SPRED1: variants seen among roughly 807,000 people sequenced by gnomAD.
The protein encoded by SPRED1 is sprouty-related, EVH1 domain-containing protein 1.
A neutral mutation model predicts 52.3 loss-of-function variants in SPRED1; 18 were observed. The ratio of observed to expected loss-of-function variants is 0.34; its 90% CI spans 0.24 to 0.51. The LOEUF (loss-of-function observed/expected upper bound fraction) is 0.51. Ranked by LOEUF, SPRED1 falls within the 20% of genes least tolerant of loss-of-function variation. SPRED1 has a pLI of 0.97. For missense variants in SPRED1, 485 were observed against 551.0 expected, an observed-to-expected ratio of 0.88 and a Z score of 1.20; for synonymous variants, 155 against 179.7, an observed-to-expected ratio of 0.86 and a Z score of 1.10.
chr15:38,287,598 G>T (rs985789471), intron 1 of SPRED1, among the ~76,000 whole-genome samples: 1 of 151,984 alleles, frequency 6.6e-6, no homozygotes, highest in Admixed American at 6.6e-5. Flanking sequence ...TCATATGTAT[G>T]TGTTTCACAT....
Position 38,289,743 on chromosome 15 carries a change from T to C in SPRED1, c.33-9630T>C, listed in dbSNP as rs144084763. Among the ~76,000 whole-genome samples the C allele has an allele frequency of 2.6e-5, 4 of 152,296 alleles. No individual in the cohort carries two copies. In the East Asian group the frequency reaches 5.8e-4, roughly 22 times the overall value. On this transcript the variant is annotated intron_variant, in intron 1 of 6. Transcript: ENST00000299084. The stretch of plus-strand genomic sequence containing the variant: ...CATGAGCCAAGGAATGTGGATGGGC[T>C]CTAGGAACTGGAAAAGGCAAGGGAA...
intron 4 of SPRED1, among the ~76,000 whole-genome samples, chr15:38,327,091 G>A (rs1039779679): frequency 6.6e-6 from 1 of 152,088 alleles, no homozygotes; most frequent in Non-Finnish European, 1.5e-5. Context: ...TTCCAGAAAC[G>A]AGATTGAGAG....
rs1028099569 is a variant in SPRED1, at chr15:38,355,727, A to T, written c.*4063A>T. On this transcript the variant is annotated 3_prime_UTR_variant, in exon 7 of 7. Coordinates refer to ENST00000299084, the MANE Select transcript of SPRED1 (RefSeq NM_152594.3). ...CCTGAAAAGCAAGGATTCTTTACTA[A>T]TTATTATGCTCATTCTTGATTTGAC... 2 of 152,218 alleles carry T rather than the reference A, an allele frequency of 1.3e-5. No individual in the cohort carries two copies. The highest frequency in any genetic ancestry group is 4.8e-5 in the African/African-American group (2 of 41,468). The allele number at this position is 152,218 out of a possible 1,614,324, so 9.4% of individuals were successfully genotyped here.
At chr15:38,342,137 A>T (rs1182216170) in intron 5 of SPRED1, among the ~76,000 whole-genome samples, 1 of 123,718 alleles carries the variant, frequency 8.1e-6, no homozygotes, top group Middle Eastern at 4.8e-3. Flanking sequence ...TTCATTTTTT[A>T]TTTGCCCCAT....
At chr15:38,330,835 CT>C (rs1895793329) in intron 4 of SPRED1, among the ~76,000 whole-genome samples, 1 of 152,070 alleles carries the variant, frequency 6.6e-6, no homozygotes, top group Non-Finnish European at 1.5e-5. Context: ...TGTGATATCC[CT>C]TTTTTTCTGC....
In SPRED1 at chr15:38,353,191, A is replaced by G. The variant is rs1595764980; in HGVS notation, c.*1527A>G. ...AGGTGATAAAAATTAAAATCACACT[A>G]CTATTTGAAGCTCATTTTCTATGCA... On this transcript the variant is annotated 3_prime_UTR_variant, in exon 7 of 7. Transcript: ENST00000299084. The G allele has an allele frequency of 6.6e-6, 1 of 152,568 alleles. No homozygotes were observed. Among genetic ancestry groups the G allele is most frequent in the South Asian group, 2.1e-4 (1 of 4,824 alleles). 9.5% of individuals were successfully genotyped at this position (152,568 alleles called of 1,614,324 possible). A position where few individuals can be genotyped will look rare whatever the true frequency, so the allele number is the denominator to read the frequency against.
chr15:38,332,473 T>C (rs950494400), intron 4 of SPRED1, among the ~76,000 whole-genome samples: 3 of 152,058 alleles, frequency 2.0e-5, no homozygotes, highest in Non-Finnish European at 4.4e-5. Flanking sequence ...CTCAGGAGGC[T>C]GAGGTGAGAG....
chr15:38,338,531 T>C (rs1490752485), intron 4 of SPRED1, among the ~76,000 whole-genome samples: 8 of 152,120 alleles, frequency 5.3e-5, no homozygotes, highest in South Asian at 2.1e-4. Context: ...ACAGCTGTTA[T>C]GAAAATTGGG....
At chr15:38,328,438 A>G (rs1241280616) in intron 4 of SPRED1, among the ~76,000 whole-genome samples, 2 of 152,160 alleles carry the variant, frequency 1.3e-5, no homozygotes, top group Non-Finnish European at 2.9e-5. Flanking sequence ...TGTCTTCATC[A>G]ATTATCATAA....
intron 4 of SPRED1, among the ~76,000 whole-genome samples, chr15:38,329,509 G>A (rs1895769890): frequency 6.6e-6 from 1 of 152,132 alleles, no homozygotes; most frequent in Non-Finnish European, 1.5e-5. Context: ...TAATGATACT[G>A]CAAGCTATCA....
In SPRED1 at chr15:38,356,899, T is replaced by G. The variant is rs1888633981; in HGVS notation, c.*5235T>G. Reference sequence around the variant, plus strand: ...TAAGTTGGATTACTATATTATAGTTTATTTGAAAAATCAAGGAGTAACTGT... The same window carrying G: ...TAAGTTGGATTACTATATTATAGTTGATTTGAAAAATCAAGGAGTAACTGT... On this transcript the variant is annotated 3_prime_UTR_variant, in exon 7 of 7. Transcript: ENST00000299084. 6.6e-6 allele frequency: 1 copy of G among 152,196 alleles called. No individual in the cohort carries two copies. The highest frequency in any genetic ancestry group is 6.5e-5 in the Admixed American group (1 of 15,286). 9.4% of individuals were successfully genotyped at this position (152,196 alleles called of 1,614,324 possible). A position where few individuals can be genotyped will look rare whatever the true frequency, so the allele number is the denominator to read the frequency against.
chr15:38,287,023 T>C (rs967316872), intron 1 of SPRED1, among the ~76,000 whole-genome samples: 1 of 152,190 alleles, frequency 6.6e-6, no homozygotes, highest in African/African-American at 2.4e-5. Context: ...GAATCTTTTT[T>C]GTATTTGTTT....
intron 1 of SPRED1, among the ~76,000 whole-genome samples, chr15:38,260,521 A>G (rs1444711649): frequency 6.6e-6 from 1 of 152,040 alleles, no homozygotes; most frequent in African/African-American, 2.4e-5. Context: ...TTTTTCTTAT[A>G]GCACAATTGC....
At chr15:38,273,519 TAATATATATATA>T (rs1448574842) in intron 1 of SPRED1, among the ~76,000 whole-genome samples, 190 of 112,984 alleles carry the variant, frequency 1.7e-3, no homozygotes, top group African/African-American at 5.9e-3. Flanking sequence ...TATGTATTAT[TAATATATATATA>T]TATATATATA....
chr15:38,330,864 G>A (rs555954325), intron 4 of SPRED1, among the ~76,000 whole-genome samples: 31 of 151,982 alleles, frequency 2.0e-4, no homozygotes, highest in African/African-American at 7.5e-4. Flanking sequence ...TTATTTATTG[G>A]GAATCATACA....
At chr15:38,340,946 C>A (rs112953032) in intron 5 of SPRED1, among the ~76,000 whole-genome samples, 145 of 145,800 alleles carry the variant, frequency 9.9e-4, no homozygotes, top group African/African-American at 3.3e-3. Flanking sequence ...GTAGTTATTT[C>A]TTTCTTAAAT....
chr15:38,287,510 C>T (rs546461589), intron 1 of SPRED1, among the ~76,000 whole-genome samples: 1 of 152,238 alleles, frequency 6.6e-6, no homozygotes, highest in South Asian at 2.1e-4. Context: ...GCTCCCTCCC[C>T]ACTTAAAAAA....
At chr15:38,336,168 C>T (rs370623518) in intron 4 of SPRED1, among the ~76,000 whole-genome samples, 1 of 151,744 alleles carries the variant, frequency 6.6e-6, no homozygotes, top group African/African-American at 2.4e-5. Flanking sequence ...CCGTATTTCA[C>T]TTTATGGGCA....
chr15:38,313,078 T>TTACA (rs1895401264), intron 2 of SPRED1, among the ~76,000 whole-genome samples: 1 of 151,992 alleles, frequency 6.6e-6, no homozygotes, highest in African/African-American at 2.4e-5. Flanking sequence ...GTAAGTTGCA[T>TTACA]TACAGCCTGC....
Sources: gnomAD v4.1 joint callset for allele counts (sites outside exome capture counted in the v4.1 genomes callset) on GRCh38, gnomAD v4.1.1 for gene constraint, MANE v1.5 for transcripts, NCBI Gene and HGNC (gene_info 2026-07-23, HGNC 2026-07-21) for gene names.